Variants in C7orf78 observed in about 807,000 individuals in gnomAD.
C7orf78 encodes the protein chromosome 7 open reading frame 78, also known as putative uncharacterized protein C7orf78.
At chr7:12,535,418 A>G in the C7orf78 span, among the ~76,000 whole-genome samples, 2 of 152,188 alleles carry the variant, frequency 1.3e-5, no homozygotes, top group Non-Finnish European at 2.9e-5. Context: ...CACTATCACA[A>G]GAACAGCATG....
the C7orf78 span, among the ~76,000 whole-genome samples, chr7:12,539,997 T>G: frequency 6.6e-6 from 1 of 152,200 alleles, no homozygotes; most frequent in African/African-American, 2.4e-5. Flanking sequence ...AGCTTCAAGC[T>G]TTAAGAACAG....
At chr7:12,483,372 T>C in the C7orf78 span, 1 of 152,156 alleles carries the variant, frequency 6.6e-6, no homozygotes, top group Admixed American at 6.5e-5. Context: ...CTACAAAGGT[T>C]TTCTCGAGAC....
the C7orf78 span, among the ~76,000 whole-genome samples, chr7:12,533,147 A>G: frequency 3.3e-5 from 5 of 152,322 alleles, no homozygotes; most frequent in African/African-American, 1.2e-4. Context: ...GCTCAACATA[A>G]AAGAAAATGG....
chr7:12,489,495 T>A, the C7orf78 span, among the ~76,000 whole-genome samples: 1 of 152,166 alleles, frequency 6.6e-6, no homozygotes. Flanking sequence ...ACTTAATATA[T>A]ATAACTAATC....
At chr7:12,530,812 C>A in the C7orf78 span, among the ~76,000 whole-genome samples, 2 of 152,168 alleles carry the variant, frequency 1.3e-5, no homozygotes, top group African/African-American at 2.4e-5. Context: ...AGAACACATA[C>A]TTTTACCCTG....
the C7orf78 span, among the ~76,000 whole-genome samples, chr7:12,485,137 G>A: frequency 3.0e-5 from 3 of 100,462 alleles, no homozygotes; most frequent in African/African-American, 1.2e-4. Context: ...TTGAATTTCA[G>A]TAGACATTAT....
At chr7:12,498,962 G>C in the C7orf78 span, among the ~76,000 whole-genome samples, 3 of 151,888 alleles carry the variant, frequency 2.0e-5, no homozygotes, top group African/African-American at 7.3e-5. Context: ...TTTCAACCCA[G>C]AATTTCATTT....
At chr7:12,514,255 T>C in the C7orf78 span, among the ~76,000 whole-genome samples, 1 of 152,138 alleles carries the variant, frequency 6.6e-6, no homozygotes, top group South Asian at 2.1e-4. Flanking sequence ...ATACCTAGAA[T>C]TGTTATGTTC....
At chr7:12,530,465 T>C in the C7orf78 span, 5 of 152,186 alleles carry the variant, frequency 3.3e-5, no homozygotes, top group Admixed American at 2.0e-4. Flanking sequence ...GCTGTTTGTT[T>C]TGTCAGTCTT....
the C7orf78 span, chr7:12,525,985 C>T: frequency 1.3e-5 from 5 of 391,922 alleles, no homozygotes; most frequent in African/African-American, 6.2e-5. Context: ...AGGCTTAAAA[C>T]TAAATAGGTG....
chr7:12,538,891 C>G, the C7orf78 span, among the ~76,000 whole-genome samples: 1 of 152,078 alleles, frequency 6.6e-6, no homozygotes, highest in Non-Finnish European at 1.5e-5. Context: ...CTCTTGGGGA[C>G]ATATATGAAA....
chr7:12,524,181 A>C, the C7orf78 span, among the ~76,000 whole-genome samples: 3 of 152,180 alleles, frequency 2.0e-5, no homozygotes, highest in East Asian at 5.8e-4. Context: ...TAATAACTTT[A>C]GACAAGATAC....
At chr7:12,538,802 C>A in the C7orf78 span, among the ~76,000 whole-genome samples, 1 of 152,146 alleles carries the variant, frequency 6.6e-6, no homozygotes, top group Non-Finnish European at 1.5e-5. Context: ...CTTTCCCTCA[C>A]GTTGCGAGCC....
chr7:12,487,018 A>T, the C7orf78 span: 1 of 151,898 alleles, frequency 6.6e-6, no homozygotes, highest in African/African-American at 2.4e-5. Context: ...CCATTTGTGT[A>T]TATGGAGATC....
the C7orf78 span, among the ~76,000 whole-genome samples, chr7:12,494,371 G>C: frequency 6.6e-6 from 1 of 152,116 alleles, no homozygotes; most frequent in Non-Finnish European, 1.5e-5. Context: ...CTCCCACTTA[G>C]TCAAGGGAGC....
At chr7:12,512,113 G>C in the C7orf78 span, among the ~76,000 whole-genome samples, 6 of 151,632 alleles carry the variant, frequency 4.0e-5, no homozygotes, top group East Asian at 1.2e-3. Flanking sequence ...TTTTAGTGGA[G>C]ACTTTTGGTT....
the C7orf78 span, chr7:12,491,508 C>T: frequency 6.6e-6 from 1 of 150,554 alleles, no homozygotes; most frequent in Non-Finnish European, 1.5e-5. Flanking sequence ...TTCTGGGAAG[C>T]GTTCTGGCCT....
At chr7:12,489,693 G>T in the C7orf78 span, among the ~76,000 whole-genome samples, 1 of 152,058 alleles carries the variant, frequency 6.6e-6, no homozygotes, top group African/African-American at 2.4e-5. Flanking sequence ...GGCAAAGTCA[G>T]GGTTTATTAA....
chr7:12,484,677 C>T, the C7orf78 span, among the ~76,000 whole-genome samples: 1 of 152,122 alleles, frequency 6.6e-6, no homozygotes, highest in South Asian at 2.1e-4. Flanking sequence ...CATGGCATGT[C>T]ATACATCTGG....
Sources: allele counts gnomAD v4.1 joint callset (sites outside exome capture counted in the v4.1 genomes callset), GRCh38; gene constraint gnomAD v4.1.1; transcripts MANE v1.5; gene names NCBI Gene and HGNC (gene_info 2026-07-23, HGNC 2026-07-21).